Variants in MTUS2 observed in about 807,000 individuals in gnomAD.
MTUS2 encodes microtubule associated scaffold protein 2.
A neutral mutation model predicts 114.1 loss-of-function variants in MTUS2; 40 were observed. The observed-to-expected ratio is 0.35, with a 90% CI of 0.27 to 0.46. The LOEUF (loss-of-function observed/expected upper bound fraction) is 0.46. Ranked by LOEUF, MTUS2 falls within the 20% of genes least tolerant of loss-of-function variation. MTUS2 has a pLI of 1.00. For synonymous variants in MTUS2, 688 were observed against 672.0 expected (o/e 1.02, Z -0.37); for missense variants, 1,679 against 1,705.4 (o/e 0.98, Z 0.27).
intron 4 of MTUS2, among the ~76,000 whole-genome samples, chr13:29,051,561 A>G (rs1046855349): frequency 3.9e-5 from 6 of 152,202 alleles, no homozygotes; most frequent in Non-Finnish European, 4.4e-5. Flanking sequence ...ACATTCTGAC[A>G]TTTAAAGATC....
chr13:28,943,992 G>C (rs1004117924), intron 2 of MTUS2, among the ~76,000 whole-genome samples: 7 of 152,000 alleles, frequency 4.6e-5, no homozygotes, highest in African/African-American at 1.4e-4. Context: ...TTTTTTGTTT[G>C]CTTTTTTTTG....
chr13:29,412,827 G>A (rs1875361847), intron 8 of MTUS2, among the ~76,000 whole-genome samples: 1 of 152,124 alleles, frequency 6.6e-6, no homozygotes, highest in African/African-American at 2.4e-5. Flanking sequence ...AGGAGTTCAA[G>A]GTTATGCTGA....
At chr13:29,042,658 C>G (rs1887425653) in intron 4 of MTUS2, among the ~76,000 whole-genome samples, 1 of 151,980 alleles carries the variant, frequency 6.6e-6, no homozygotes, top group African/African-American at 2.4e-5. Context: ...TATTACTGGT[C>G]TGTTCGGAAT....
intron 2 of MTUS2, among the ~76,000 whole-genome samples, chr13:28,903,527 G>T (rs1261955995): frequency 6.7e-6 from 1 of 149,756 alleles, no homozygotes; most frequent in East Asian, 2.0e-4. Context: ...GGTTTTTTGT[G>T]CTTGGGATAG....
intron 2 of MTUS2, among the ~76,000 whole-genome samples, chr13:28,958,354 T>C (rs550049368): frequency 6.6e-6 from 1 of 152,290 alleles, no homozygotes; most frequent in East Asian, 1.9e-4. Flanking sequence ...GTAAAATGAA[T>C]CTATAAGTAC....
chr13:28,843,785 C>A (rs748234501), intron 2 of MTUS2, among the ~76,000 whole-genome samples: 6 of 152,146 alleles, frequency 3.9e-5, no homozygotes, highest in Non-Finnish European at 7.3e-5. Flanking sequence ...TAAACTAGGT[C>A]ATCAGGGCAC....
At chr13:28,865,310 G>A (rs1453845979) in intron 2 of MTUS2, among the ~76,000 whole-genome samples, 3 of 152,158 alleles carry the variant, frequency 2.0e-5, no homozygotes, top group Non-Finnish European at 2.9e-5. Context: ...AAGAAACATC[G>A]CTTCAGAGTA....
chr13:29,358,936 C>G (rs1221245593), intron 7 of MTUS2, among the ~76,000 whole-genome samples: 1 of 115,044 alleles, frequency 8.7e-6, no homozygotes, highest in African/African-American at 3.1e-5. Context: ...TAGACATTGT[C>G]AAAGAGTAAT....
intron 4 of MTUS2, among the ~76,000 whole-genome samples, chr13:29,050,062 T>G (rs1887819011): frequency 6.6e-6 from 1 of 152,152 alleles, no homozygotes; most frequent in Admixed American, 6.5e-5. Context: ...AACTGCCCTC[T>G]GAGAAGATGA....
chr13:29,459,234 C>T (rs533017569), intron 9 of MTUS2, among the ~76,000 whole-genome samples: 6 of 152,148 alleles, frequency 3.9e-5, no homozygotes, highest in African/African-American at 1.4e-4. Context: ...ATGAGGACGG[C>T]GGGGGTATTT....
At chr13:29,379,357 C>T (rs1408602557) in intron 8 of MTUS2, among the ~76,000 whole-genome samples, 1 of 152,148 alleles carries the variant, frequency 6.6e-6, no homozygotes, top group Admixed American at 6.5e-5. Context: ...TGGTACCATC[C>T]TCATGCCTGG....
intron 5 of MTUS2, among the ~76,000 whole-genome samples, chr13:29,228,052 C>G (rs1193489541): frequency 6.6e-6 from 1 of 151,952 alleles, no homozygotes; most frequent in Non-Finnish European, 1.5e-5. Flanking sequence ...CTTTTTCACC[C>G]AGCAATCTTA....
intron 7 of MTUS2, among the ~76,000 whole-genome samples, chr13:29,334,796 C>T (rs1057107170): frequency 5.3e-5 from 8 of 152,282 alleles, no homozygotes; most frequent in East Asian, 3.9e-4. Flanking sequence ...GCTGAAGCCA[C>T]GGCAGAAGAA....
Position 29,093,985 on chromosome 13 carries a change from T to G in MTUS2, c.2447-6788T>G, listed in dbSNP as rs149838738. On this transcript the variant is annotated intron_variant, in intron 4 of 15. Transcript: ENST00000612955. The stretch of plus-strand genomic sequence containing the variant: ...TCAATTAAGAAGATCATATGGTTTT[T>G]CTTTATTAATATGGTATAGTACATG... 2.0e-5 allele frequency among the ~76,000 whole-genome samples: 3 copies of G among 152,212 alleles called. No individual in the cohort carries two copies. In the South Asian group the frequency reaches 6.2e-4, roughly 31 times the overall value.
intron 5 of MTUS2, among the ~76,000 whole-genome samples, chr13:29,230,793 T>C (rs1896293649): frequency 6.6e-6 from 1 of 152,222 alleles, no homozygotes; most frequent in South Asian, 2.1e-4. Context: ...ATGAGATGCA[T>C]TGTTCATGCC....
At chr13:29,431,915 G>A (rs1877015762) in intron 8 of MTUS2, among the ~76,000 whole-genome samples, 1 of 151,910 alleles carries the variant, frequency 6.6e-6, no homozygotes, top group Non-Finnish European at 1.5e-5. Flanking sequence ...TGTGATCATG[G>A]CTCACTATAA....
intron 5 of MTUS2, among the ~76,000 whole-genome samples, chr13:29,184,569 A>G (rs528240611): frequency 6.6e-6 from 1 of 152,316 alleles, no homozygotes; most frequent in East Asian, 1.9e-4. Context: ...TGTTGAAGAC[A>G]TGCACTAACT....
intron 1 of MTUS2, among the ~76,000 whole-genome samples, chr13:28,836,475 A>G (rs1304541656): frequency 1.3e-5 from 2 of 152,194 alleles, no homozygotes; most frequent in Non-Finnish European, 2.9e-5. Context: ...ATCTGTTCTC[A>G]AAAAATCATA....
In MTUS2 at chr13:29,285,837, C is replaced by A. The variant is rs1350333514; in HGVS notation, c.2806+3972C>A. Among the ~76,000 whole-genome samples the A allele has an allele frequency of 2.6e-5, 4 of 152,028 alleles. No individual in the cohort carries two copies. In the South Asian group the frequency reaches 6.2e-4, roughly 24 times the overall value. On this transcript the variant is annotated intron_variant, in intron 6 of 15. Coordinates refer to ENST00000612955, the MANE Select transcript of MTUS2 (RefSeq NM_001033602.4). ...ATCCTAATTCAAACAAACATTTGAA[C>A]AAAAATTTGAAATTCAAACAAAAAT... is the stretch of plus-strand genomic sequence containing the variant.
Sources: allele counts gnomAD v4.1 joint callset (sites outside exome capture counted in the v4.1 genomes callset), GRCh38; gene constraint gnomAD v4.1.1; transcripts MANE v1.5; gene names NCBI Gene and HGNC (gene_info 2026-07-23, HGNC 2026-07-21).